SLC9A9: variants seen among roughly 807,000 people sequenced by gnomAD.
SLC9A9 encodes solute carrier family 9 member A9, also known as sodium/hydrogen exchanger 9.
SLC9A9 carries 62 observed loss-of-function variants against 77.8 expected under a neutral mutation model. That is an observed-to-expected ratio of 0.80 (90% CI 0.65 to 0.98). The LOEUF (loss-of-function observed/expected upper bound fraction) is 0.98, where lower values mean the gene tolerates loss of function less well. SLC9A9 is among the 50% of genes least tolerant of loss of function. The pLI is 0.00. For missense variants in SLC9A9, 775 were observed against 774.9 expected (o/e 1.00, Z 0.00); for synonymous variants, 320 against 283.5 (o/e 1.13, Z -1.29).
At chr3:143,517,226 A>G in intron 9 of SLC9A9, 1 of 1,268,808 alleles carries the variant, frequency 7.9e-7, no homozygotes, top group Non-Finnish European at 1.1e-6. Context: ...CACATCCTGG[A>G]AGGCCACCAT....
intron 9 of SLC9A9, among the ~76,000 whole-genome samples, chr3:143,547,908 T>C (rs1204012192): frequency 1.3e-5 from 2 of 152,230 alleles, no homozygotes; most frequent in African/African-American, 4.8e-5. Flanking sequence ...AGAAATTCTT[T>C]TTTTGTTCAC....
At chr3:143,717,918 A>C (rs1009930236) in intron 4 of SLC9A9, among the ~76,000 whole-genome samples, 3 of 126,794 alleles carry the variant, frequency 2.4e-5, no homozygotes, top group Non-Finnish European at 5.3e-5. Context: ...GGAAAAATGA[A>C]TTGTTATACA....
intron 14 of SLC9A9, among the ~76,000 whole-genome samples, chr3:143,332,654 G>A (rs927831374): frequency 6.6e-6 from 1 of 152,188 alleles, no homozygotes; most frequent in Non-Finnish European, 1.5e-5. Context: ...AAAGCCAAGT[G>A]GTTCATTTGT....
intron 11 of SLC9A9, among the ~76,000 whole-genome samples, chr3:143,474,784 T>C (rs984639537): frequency 6.6e-6 from 1 of 150,508 alleles, no homozygotes. Flanking sequence ...GCTTGAAAAA[T>C]GTAGGAAGAT....
chr3:143,323,555 A>G (rs1414884195), intron 14 of SLC9A9, among the ~76,000 whole-genome samples: 3 of 152,154 alleles, frequency 2.0e-5, no homozygotes, highest in Non-Finnish European at 1.5e-5. Flanking sequence ...AAGATAGATA[A>G]CAGATACTGG....
chr3:143,768,166 T>C (rs1354477048), intron 4 of SLC9A9, among the ~76,000 whole-genome samples: 1 of 152,046 alleles, frequency 6.6e-6, no homozygotes, highest in Non-Finnish European at 1.5e-5. Flanking sequence ...ACACCCAGGG[T>C]ACACATATCA....
At chr3:143,301,519 C>A (rs1001282056) in intron 14 of SLC9A9, among the ~76,000 whole-genome samples, 1 of 152,148 alleles carries the variant, frequency 6.6e-6, no homozygotes, top group Non-Finnish European at 1.5e-5. Context: ...AGACAAAAAG[C>A]CTTCAGTAGG....
At chr3:143,649,693 G>T (rs1466423572) in intron 6 of SLC9A9, among the ~76,000 whole-genome samples, 1 of 152,174 alleles carries the variant, frequency 6.6e-6, no homozygotes, top group African/African-American at 2.4e-5. Flanking sequence ...AAGCAAGGAG[G>T]TTTGCTGGCA....
intron 14 of SLC9A9, among the ~76,000 whole-genome samples, chr3:143,283,217 C>T (rs1449078942): frequency 6.6e-6 from 1 of 152,180 alleles, no homozygotes; most frequent in East Asian, 1.9e-4. Flanking sequence ...AAACCTCCAC[C>T]TTATTTTGGA....
intron 14 of SLC9A9, among the ~76,000 whole-genome samples, chr3:143,291,894 T>C (rs948794839): frequency 6.6e-6 from 1 of 152,242 alleles, no homozygotes; most frequent in African/African-American, 2.4e-5. Flanking sequence ...CAGTGAAATT[T>C]TGCAGCTGAG....
At position 143,493,752 on chromosome 3, in the gene SLC9A9, C is replaced by T. The variant is rs1182979845; in HGVS notation, c.1216G>A (p.Val406Ile). ...GGATATATGTTGCAGGCTCTGGCAA[C>T]AAAAATTGCTAGCTGTAGATAAGCA... Reference protein sequence around the residue: ...FILGAFLAIFVARACNIYPLS... With the variant: ...FILGAFLAIFIARACNIYPLS... The change falls in exon 11 of 16, where the codon GTT becomes ATT. Residue 406 changes from valine (V) to isoleucine (I), a missense_variant. Coordinates refer to ENST00000316549, the MANE Select transcript of SLC9A9 (RefSeq NM_173653.4). The T allele has an allele frequency of 5.0e-6, 8 of 1,613,444 alleles. No homozygotes were observed. The highest frequency in any genetic ancestry group is 1.3e-5 in the African/African-American group (1 of 74,898).
At chr3:143,674,187 A>G (rs1276337307) in intron 5 of SLC9A9, among the ~76,000 whole-genome samples, 1 of 152,172 alleles carries the variant, frequency 6.6e-6, no homozygotes, top group Non-Finnish European at 1.5e-5. Context: ...TTGTTTTGAT[A>G]GTCTCTATTT....
intron 6 of SLC9A9, among the ~76,000 whole-genome samples, chr3:143,651,148 T>G (rs1422773398): frequency 1.3e-5 from 2 of 152,236 alleles, no homozygotes; most frequent in African/African-American, 4.8e-5. Flanking sequence ...CCTGATGTCC[T>G]AATTAATTGT....
chr3:143,311,506 T>C (rs1016892499), intron 14 of SLC9A9, among the ~76,000 whole-genome samples: 1 of 152,208 alleles, frequency 6.6e-6, no homozygotes, highest in African/African-American at 2.4e-5. Flanking sequence ...AGGAGCCAGG[T>C]AAAAGCAGCT....
chr3:143,352,690 C>T (rs1325714123), intron 14 of SLC9A9, among the ~76,000 whole-genome samples: 2 of 152,144 alleles, frequency 1.3e-5, no homozygotes, highest in Non-Finnish European at 2.9e-5. Context: ...TGAAATGATA[C>T]TTTTCTATAT....
At chr3:143,356,856 T>A (rs1468857171) in intron 14 of SLC9A9, among the ~76,000 whole-genome samples, 1 of 152,142 alleles carries the variant, frequency 6.6e-6, no homozygotes, top group Non-Finnish European at 1.5e-5. Context: ...AGGTGCTAAG[T>A]CAAAGACTTT....
chr3:143,770,298 A>C (rs1320919234), intron 4 of SLC9A9, among the ~76,000 whole-genome samples: 1 of 152,224 alleles, frequency 6.6e-6, no homozygotes, highest in Non-Finnish European at 1.5e-5. Flanking sequence ...AACATATTTT[A>C]CAGGCACAAT....
At chr3:143,591,551 T>C (rs73867683) in intron 6 of SLC9A9, among the ~76,000 whole-genome samples, 14,465 of 152,096 alleles carry the variant, frequency 0.095, 1,238 homozygotes, top group African/African-American at 0.23. Flanking sequence ...GAATATGGAC[T>C]TTAACATATA....
intron 1 of SLC9A9, among the ~76,000 whole-genome samples, chr3:143,837,997 A>G (rs114773371): frequency 1.6e-3 from 238 of 152,310 alleles, no homozygotes; most frequent in African/African-American, 5.5e-3. Context: ...GCTGAATCAA[A>G]TAGAGTTGAA....
Sources: gnomAD v4.1 joint callset for allele counts (sites outside exome capture counted in the v4.1 genomes callset) on GRCh38, gnomAD v4.1.1 for gene constraint, MANE v1.5 for transcripts, NCBI Gene and HGNC (gene_info 2026-07-23, HGNC 2026-07-21) for gene names.